Variants in IGFBP7 observed in about 807,000 individuals in gnomAD.
The protein encoded by IGFBP7 is insulin-like growth factor-binding protein 7.
IGFBP7 carries 31 observed loss-of-function variants against 29.4 expected under a neutral mutation model. The ratio of observed to expected loss-of-function variants is 1.05; its 90% CI spans 0.79 to 1.42. The LOEUF is 1.42. Ranked by LOEUF, IGFBP7 falls within the 40% of genes most tolerant of loss-of-function variation. The probability of loss-of-function intolerance (pLI) is 0.00; values close to 1 mark genes in which losing one functional copy is unlikely to be tolerated. For synonymous variants in IGFBP7, 172 were observed against 174.9 expected (o/e 0.98, Z 0.13); for missense variants, 393 against 395.5 (o/e 0.99, Z 0.05).
chr4:57,097,673 A>G (rs1373897592), intron 1 of IGFBP7, among the ~76,000 whole-genome samples: 1 of 152,072 alleles, frequency 6.6e-6, no homozygotes, highest in African/African-American at 2.4e-5. Context: ...ACAAAACTCT[A>G]AGTATAATAA....
intron 1 of IGFBP7, among the ~76,000 whole-genome samples, chr4:57,042,802 G>C (rs986573223): frequency 6.6e-6 from 1 of 152,234 alleles, no homozygotes; most frequent in African/African-American, 2.4e-5. Flanking sequence ...TTGTGGCTGA[G>C]ACTGTATGGC....
At chr4:57,092,816 T>C (rs1725671787) in intron 1 of IGFBP7, among the ~76,000 whole-genome samples, 1 of 151,088 alleles carries the variant, frequency 6.6e-6, no homozygotes, top group Non-Finnish European at 1.5e-5. Context: ...AAATTATGGT[T>C]CATTCAAATT....
intron 1 of IGFBP7, among the ~76,000 whole-genome samples, chr4:57,077,152 C>G (rs9997862): frequency 0.63 from 96,221 of 151,732 alleles, 30,937 homozygotes; most frequent in East Asian, 0.89. Context: ...TGGTGCTCTG[C>G]GTTTATATGA....
Position 57,110,115 on chromosome 4 carries a change from C to G in IGFBP7, c.237G>C (p.Gly79=). The change falls in exon 1 of 5, where the codon GGG becomes GGC. Residue 79 remains glycine, a synonymous_variant. Coordinates refer to ENST00000295666, the MANE Select transcript of IGFBP7 (RefSeq NM_001553.3). ...EPCGGGGAGR[G]YCAPGMECVK... Reference sequence around the variant, plus strand: ...CGCACTCCATGCCCGGCGCGCAGTACCCCCTGCCGGCGCCGCCACCCCCGC... The same window carrying G: ...CGCACTCCATGCCCGGCGCGCAGTAGCCCCTGCCGGCGCCGCCACCCCCGC... The G allele has an allele frequency of 1.3e-6, 2 of 1,515,672 alleles. No homozygotes were observed. The highest frequency in any genetic ancestry group is 1.8e-6 in the Non-Finnish European group (2 of 1,138,850). 93.9% of individuals were successfully genotyped at this position (1,515,672 alleles called of 1,614,324 possible).
chr4:57,054,326 A>C (rs1724587434), intron 1 of IGFBP7, among the ~76,000 whole-genome samples: 1 of 151,952 alleles, frequency 6.6e-6, no homozygotes. Flanking sequence ...AATTCTAAGC[A>C]ATCTGCTTAG....
intron 1 of IGFBP7, among the ~76,000 whole-genome samples, chr4:57,084,788 G>GTTGTTTTTTT (rs1553916467): frequency 4.7e-4 from 53 of 113,080 alleles, no homozygotes; most frequent in African/African-American, 1.7e-3. Context: ...TTTAAAAAAG[G>GTTGTTTTTTT]TTTTTTTTTT....
chr4:57,041,029 CATCCCCTTGATGGATT>C (rs1247746893), intron 1 of IGFBP7, 96 bp from the exon 2 acceptor site: 1 of 807,618 alleles, frequency 1.2e-6, no homozygotes, highest in African/African-American at 1.7e-5. Flanking sequence ...TTTATGAGGC[CATCCCCTTGATGGATT>C]ATCTGAAGCA....
intron 1 of IGFBP7, among the ~76,000 whole-genome samples, chr4:57,054,616 C>T (rs551471128): frequency 1.8e-4 from 25 of 140,328 alleles, no homozygotes; most frequent in African/African-American, 5.8e-4. Flanking sequence ...TCCAGCCTGG[C>T]GACAGAGCGA....
intron 1 of IGFBP7, among the ~76,000 whole-genome samples, chr4:57,062,122 T>C (rs1724814328): frequency 6.6e-6 from 1 of 152,236 alleles, no homozygotes; most frequent in Non-Finnish European, 1.5e-5. Context: ...GACATGAATT[T>C]AGGTTTTCTG....
At chr4:57,052,890 A>G (rs887176385) in intron 1 of IGFBP7, among the ~76,000 whole-genome samples, 27 of 152,220 alleles carry the variant, frequency 1.8e-4, no homozygotes, top group African/African-American at 5.5e-4. Context: ...ATGACTGTCA[A>G]TCTTGTGATA....
At chr4:57,108,158 TG>T (rs1316133192) in intron 1 of IGFBP7, among the ~76,000 whole-genome samples, 2 of 152,274 alleles carry the variant, frequency 1.3e-5, no homozygotes, top group Admixed American at 1.3e-4. Flanking sequence ...CAGATTATTT[TG>T]GGTTGCAATT....
chr4:57,109,031 A>C (rs1181353896), intron 1 of IGFBP7, among the ~76,000 whole-genome samples: 2 of 152,238 alleles, frequency 1.3e-5, no homozygotes, highest in Non-Finnish European at 2.9e-5. Flanking sequence ...AGTGCATCAC[A>C]AAAACAGTCT....
chr4:57,084,791 T>G (rs868243801), intron 1 of IGFBP7, among the ~76,000 whole-genome samples: 1 of 145,314 alleles, frequency 6.9e-6, no homozygotes, highest in East Asian at 2.0e-4. Context: ...AAAAAAGGTT[T>G]TTTTTTTTTT....
Position 57,040,829 on chromosome 4 carries a change from T to C in IGFBP7, c.580A>G (p.Asn194Asp). 1 of 1,607,272 alleles carries C rather than the reference T, an allele frequency of 6.2e-7. No individual in the cohort carries two copies. Among genetic ancestry groups the C allele is most frequent in the Non-Finnish European group, 8.5e-7 (1 of 1,173,736 alleles). ...IGIPTPVLIW[N>D]KVKRGHYGVQ... is the part of the protein sequence containing the mutation. ...TTAAAGTCTGTGCCACAGACCTTGT[T>C]CCAGATGAGGACAGGTGTCGGGATT... is the stretch of plus-strand genomic sequence containing the variant. Residue 194 changes from asparagine to aspartate, a missense_variant, in exon 2 of 5, where the codon AAC becomes GAC. Physicochemically the swap from Asn to Asp is conservative, Grantham distance 23. Coordinates refer to ENST00000295666, the MANE Select transcript of IGFBP7 (RefSeq NM_001553.3).
chr4:57,081,168 C>T (rs1206462373), intron 1 of IGFBP7, among the ~76,000 whole-genome samples: 4 of 152,130 alleles, frequency 2.6e-5, no homozygotes, highest in Non-Finnish European at 4.4e-5. Flanking sequence ...AGCTTCAGGG[C>T]AGGGCCCAGG....
In IGFBP7 at chr4:57,051,171, T is replaced by G. The variant is rs114983191; in HGVS notation, c.476-10238A>C. Among the ~76,000 whole-genome samples the G allele has an allele frequency of 3.5e-3, 531 of 152,176 alleles. 5 individuals carry two copies. Among genetic ancestry groups the G allele is most frequent in the African/African-American group, 0.012 (489 of 41,522 alleles). On this transcript the variant is annotated intron_variant, in intron 1 of 4. Coordinates refer to ENST00000295666, the MANE Select transcript of IGFBP7 (RefSeq NM_001553.3). Reference sequence around the variant, plus strand: ...TAGTAGGAAGGCACTATGGCCAAGATGGGGAAGGGGATGAAACAAGTGGAA... The same window carrying G: ...TAGTAGGAAGGCACTATGGCCAAGAGGGGGAAGGGGATGAAACAAGTGGAA...
Position 57,110,094 on chromosome 4 carries a change from C to A in IGFBP7, c.258G>T (p.Glu86Asp). 1 of 1,540,052 alleles carries A rather than the reference C, an allele frequency of 6.5e-7. No homozygotes were observed. Among genetic ancestry groups the A allele is most frequent in the Non-Finnish European group, 8.7e-7 (1 of 1,149,970 alleles). ...AGRGYCAPGMECVKSRKRRKG... is the reference protein window; with the variant it reads ...AGRGYCAPGMDCVKSRKRRKG... ...TCCGCCTCTTGCGGCTCTTCACGCA[C>A]TCCATGCCCGGCGCGCAGTACCCCC... Residue 86 changes from glutamate to aspartate, a missense_variant, in exon 1 of 5, where the codon GAG becomes GAT. Transcript: ENST00000295666.
chr4:57,043,829 G>A (rs1724288425), intron 1 of IGFBP7, among the ~76,000 whole-genome samples: 1 of 152,192 alleles, frequency 6.6e-6, no homozygotes, highest in South Asian at 2.1e-4. Context: ...CAGCAATACA[G>A]AACCCTGCAA....
chr4:57,062,563 G>A (rs969328241), intron 1 of IGFBP7, among the ~76,000 whole-genome samples: 3 of 152,114 alleles, frequency 2.0e-5, no homozygotes, highest in Admixed American at 6.6e-5. Context: ...TAACCCCATC[G>A]TGGCCAAATG....
Sources: allele counts gnomAD v4.1 joint callset (sites outside exome capture counted in the v4.1 genomes callset), GRCh38; gene constraint gnomAD v4.1.1; transcripts MANE v1.5; gene names NCBI Gene and HGNC (gene_info 2026-07-23, HGNC 2026-07-21).